The following PLXDC1 variants were observed in gnomAD, a reference collection of about 807,000 sequenced individuals.
PLXDC1 encodes the protein plexin domain containing 1.
In PLXDC1, 39 loss-of-function variants were observed where a neutral mutation model predicts 61.3. That is an observed-to-expected ratio of 0.64 (90% CI 0.49 to 0.83). The LOEUF is 0.83. PLXDC1 is among the 40% of genes least tolerant of loss of function. The pLI is 0.00. For synonymous variants in PLXDC1, 212 were observed against 254.5 expected, an observed-to-expected ratio of 0.83 and a Z score of 1.59; for missense variants, 596 against 666.5, an observed-to-expected ratio of 0.89 and a Z score of 1.17.
chr17:39,070,877 C>T (rs1021847714), intron 12 of PLXDC1, among the ~76,000 whole-genome samples: 3 of 152,202 alleles, frequency 2.0e-5, no homozygotes, highest in Non-Finnish European at 4.4e-5. Flanking sequence ...ACTCAGGAGG[C>T]TGAGGCAGGA....
chr17:39,097,172 G>A (rs889060857), intron 7 of PLXDC1, among the ~76,000 whole-genome samples: 1 of 152,122 alleles, frequency 6.6e-6, no homozygotes, highest in Non-Finnish European at 1.5e-5. Context: ...AGTGGCTGGG[G>A]ATTCCTAAAT....
intron 2 of PLXDC1, among the ~76,000 whole-genome samples, chr17:39,131,358 TC>T (rs112028524): frequency 0.27 from 38,706 of 143,606 alleles, 5,810 homozygotes; most frequent in African/African-American, 0.44. Context: ...CTTTTTCTTT[TC>T]TTTTTTTTTT....
intron 2 of PLXDC1, among the ~76,000 whole-genome samples, chr17:39,113,849 CAA>C (rs11448352): frequency 1.4e-5 from 2 of 143,722 alleles, no homozygotes; most frequent in Non-Finnish European, 3.0e-5. Context: ...GACTCTGTCT[CAA>C]AAAAAAAAAA....
At chr17:39,106,653 T>C (rs567392174) in intron 6 of PLXDC1, among the ~76,000 whole-genome samples, 32 of 90,550 alleles carry the variant, frequency 3.5e-4, no homozygotes, top group African/African-American at 8.5e-4. Flanking sequence ...TTTTTCTTTC[T>C]TTTTTTTTTT....
chr17:39,099,373 TCCTGAGACTCTG>T lies in PLXDC1; in HGVS notation c.811+6469_811+6480del, dbSNP rs374213601. Reference sequence around the variant, plus strand: ...TCCACAGCTTGATCAGGCACACGTTTCCTGAGACTCTGCCTGGAAGAAGCCCTTGAGGGAGGT... The same window carrying T: ...TCCACAGCTTGATCAGGCACACGTTTCCTGGAAGAAGCCCTTGAGGGAGGT... On this transcript the variant is annotated intron_variant, in intron 7 of 13. Transcript: ENST00000315392. 3.5e-3 allele frequency among the ~76,000 whole-genome samples: 528 copies of T among 152,268 alleles called. 3 individuals carry two copies. Among genetic ancestry groups the T allele is most frequent in the African/African-American group, 0.012 (484 of 41,532 alleles).
At chr17:39,102,961 T>C (rs1910473547) in intron 7 of PLXDC1, among the ~76,000 whole-genome samples, 1 of 151,416 alleles carries the variant, frequency 6.6e-6, no homozygotes, top group South Asian at 2.1e-4. Flanking sequence ...GATAAAGAAA[T>C]GCATTAGTAC....
At chr17:39,101,724 A>G (rs549738737) in intron 7 of PLXDC1, among the ~76,000 whole-genome samples, 1 of 152,306 alleles carries the variant, frequency 6.6e-6, no homozygotes, top group South Asian at 2.1e-4. Context: ...TGAGAGCTGA[A>G]TTAGTCCCAA....
chr17:39,108,879 C>G (rs1158190598), intron 4 of PLXDC1, 25 bp downstream of exon 4: 1 of 1,585,970 alleles, frequency 6.3e-7, no homozygotes, highest in South Asian at 1.1e-5. Context: ...CAGACTCTCC[C>G]CGGGGCCCCA....
chr17:39,103,842 T>C (rs1910505129), intron 7 of PLXDC1, among the ~76,000 whole-genome samples: 1 of 88,864 alleles, frequency 1.1e-5, no homozygotes, highest in Non-Finnish European at 2.3e-5. Flanking sequence ...CGAGACTCTG[T>C]CTCAAAAAAA....
intron 7 of PLXDC1, among the ~76,000 whole-genome samples, chr17:39,095,065 A>G (rs1055220933): frequency 6.6e-6 from 1 of 152,090 alleles, no homozygotes; most frequent in Non-Finnish European, 1.5e-5. Flanking sequence ...AGGGAAGCCA[A>G]GTCTCCTAGA....
chr17:39,123,479 C>T (rs920862314), intron 2 of PLXDC1, among the ~76,000 whole-genome samples: 2 of 152,108 alleles, frequency 1.3e-5, no homozygotes, highest in East Asian at 1.9e-4. Flanking sequence ...CATGAGCCAC[C>T]GCGCCTGGCC....
At chr17:39,151,914 G>C (rs943750962), upstream of PLXDC1, among the ~76,000 whole-genome samples, 3 of 152,140 alleles carry the variant, frequency 2.0e-5, no homozygotes, top group African/African-American at 7.2e-5. This position sits in a 1 kb window ranked among gnomAD's most constrained non-coding sequence, Gnocchi z 5.2. Context: ...CGTTCCGCCG[G>C]GAAAGCTGCA....
rs1329242238 is a variant in PLXDC1, at chr17:39,078,009, G to T, written c.1090C>A (p.His364Asn). The change falls in exon 11 of 14, where the codon CAC (histidine) becomes AAC (asparagine). Residue 364 changes from histidine to asparagine, a missense_variant. His to Asn is a moderately conservative substitution (Grantham distance 68). Transcript: ENST00000315392. The stretch of plus-strand genomic sequence containing the variant: ...GAAGTGTCAGGGGAGGCTGAGTCGT[G>T]GTCCTCATCCTGGAAGTCCTCGCAC... ...RMCEDFQDEDHDSASPDTSFS... is the reference protein window; with the variant it reads ...RMCEDFQDEDNDSASPDTSFS... 6.2e-7 allele frequency: 1 copy of T among 1,612,570 alleles called. No homozygotes were observed. Among genetic ancestry groups the T allele is most frequent in the Admixed American group, 1.7e-5 (1 of 59,880 alleles).
intron 6 of PLXDC1, 77 bp from the exon 7 acceptor site, chr17:39,106,030 A>T: frequency 1.0e-6 from 1 of 961,238 alleles, no homozygotes. Context: ...TGAGCTCCAG[A>T]CCCATCTTTC....
In PLXDC1 at chr17:39,078,112, A is replaced by G. The variant is rs534764983; in HGVS notation, c.1051-64T>C. 1.0e-4 allele frequency: 145 copies of G among 1,448,040 alleles called. No individual in the cohort carries two copies. The South Asian group carries it at 1.8e-3, about 18-fold the overall frequency. 89.7% of individuals were successfully genotyped at this position (1,448,040 alleles called of 1,614,324 possible). A position where few individuals can be genotyped will look rare whatever the true frequency, so the allele number is the denominator to read the frequency against. ...ACACCTTTCCCTTCATCCTGAAAGC[A>G]TCTTCTCTTACAGGGCAATTTATCT... On this transcript the variant is annotated intron_variant, in intron 10 of 13. Transcript: ENST00000315392.
At chr17:39,133,751 T>A (rs2143891553) in intron 2 of PLXDC1, among the ~76,000 whole-genome samples, 2 of 152,234 alleles carry the variant, frequency 1.3e-5, no homozygotes, top group Non-Finnish European at 2.9e-5. Context: ...CCCAAGTAGC[T>A]AAGACTACAG....
Position 39,131,602 on chromosome 17 carries a change from C to T in PLXDC1, c.255+8052G>A, listed in dbSNP as rs567206027. ...TCCTGACCTCAAGTGATATGCCCTC[C>T]TTGGCCTCCCAAAGTGCTGGGATTA... On this transcript the variant is annotated intron_variant, in intron 2 of 13. Transcript: ENST00000315392. 3.9e-5 allele frequency among the ~76,000 whole-genome samples: 6 copies of T among 152,246 alleles called. No homozygotes were observed. The East Asian group carries it at 9.7e-4, about 25-fold the overall frequency.
rs1240054350 is a variant in PLXDC1 at position 39,066,974 on chromosome 17, G to C, written c.*866C>G. ...TGTGTCATATGCAGGGGCTTTAAAG[G>C]TGGCCAGGAGCAGGGCATCTGGCTA... On this transcript the variant is annotated 3_prime_UTR_variant, in exon 14 of 14. Transcript: ENST00000315392. 6.6e-6 allele frequency: 1 copy of C among 152,224 alleles called. No homozygotes were observed. Among genetic ancestry groups the C allele is most frequent in the African/African-American group, 2.4e-5 (1 of 41,414 alleles). The allele number at this position is 152,224 out of a possible 1,614,324, so 9.4% of individuals were successfully genotyped here. A position where few individuals can be genotyped will look rare whatever the true frequency, so the allele number is the denominator to read the frequency against.
chr17:39,107,319 A>G (rs888287951), intron 6 of PLXDC1, 88 bp downstream of exon 6: 8 of 794,706 alleles, frequency 1.0e-5, no homozygotes, highest in Middle Eastern at 3.8e-4. Context: ...AGCAAGCCCC[A>G]TGCCTGGCAC....
Sources: allele counts gnomAD v4.1 joint callset (sites outside exome capture counted in the v4.1 genomes callset), GRCh38; gene constraint gnomAD v4.1.1; non-coding constraint Gnocchi (gnomAD v3.1); transcripts MANE v1.5; gene names NCBI Gene and HGNC (gene_info 2026-07-23, HGNC 2026-07-21).